The following NDUFAF4 variants were observed in gnomAD, a reference collection of about 807,000 sequenced individuals.
NDUFAF4 encodes the protein NADH dehydrogenase [ubiquinone] 1 alpha subcomplex assembly factor 4.
A neutral mutation model predicts 15.6 loss-of-function variants in NDUFAF4; 10 were observed. That is an observed-to-expected ratio of 0.64 (90% CI 0.40 to 1.09). NDUFAF4 has a LOEUF of 1.09. Among genes scored for constraint, NDUFAF4 ranks in the 50% least tolerant of loss-of-function variants. The probability of loss-of-function intolerance (pLI) is 0.01; values close to 1 mark genes in which losing one functional copy is unlikely to be tolerated. For synonymous variants in NDUFAF4, 77 were observed against 73.3 expected (o/e 1.05, Z -0.26); for missense variants, 203 against 207.3 (o/e 0.98, Z 0.13).
intron 1 of NDUFAF4, among the ~76,000 whole-genome samples, chr6:96,897,295 T>C (rs1214738413): frequency 1.3e-5 from 2 of 152,124 alleles, no homozygotes; most frequent in Non-Finnish European, 2.9e-5. Context: ...TAGATGGAAA[T>C]CAAAATTCCA....
intron 2 of NDUFAF4, among the ~76,000 whole-genome samples, chr6:96,892,071 A>C (rs1775323396): frequency 6.6e-6 from 1 of 152,182 alleles, no homozygotes. Flanking sequence ...AACAATGAAA[A>C]TAATTTATTA....
rs1441360651 is a variant in NDUFAF4, at chr6:96,897,666, G to T, written c.136C>A (p.Leu46Ile). The change falls in exon 1 of 3, where the codon CTC becomes ATC. Residue 46 changes from leucine (L) to isoleucine (I), a missense_variant and splice_region_variant. Leu to Ile is a conservative substitution (Grantham distance 5, BLOSUM62 2). Transcript: ENST00000316149. ...TNSLLREQIS[L>I]YPEVKGEIAR... ...CCCGAAACGCCCTCGCACCACTCAC[G>T]ACTAATCTGCTCTCGCAGGAGGCTG... 1 of 1,613,876 alleles carries T rather than the reference G, an allele frequency of 6.2e-7. No homozygotes were observed. The highest frequency in any genetic ancestry group is 8.5e-7 in the Non-Finnish European group (1 of 1,179,890).
At position 96,897,848 on chromosome 6, in the gene NDUFAF4, C is replaced by G. The variant is rs1166815303; in HGVS notation, c.-47G>C. 1 of 1,612,900 alleles carries G rather than the reference C, an allele frequency of 6.2e-7. No homozygotes were observed. Among genetic ancestry groups the G allele is most frequent in the Non-Finnish European group, 8.5e-7 (1 of 1,179,402 alleles). ...CAGGTTCAGGCCGCACGTGGGAACACCGGCGCAGGACAACTCCGGGACACC... is the reference window on the plus strand; with the variant it reads ...CAGGTTCAGGCCGCACGTGGGAACAGCGGCGCAGGACAACTCCGGGACACC... On this transcript the variant is annotated 5_prime_UTR_variant, in exon 1 of 3. Coordinates refer to ENST00000316149, the MANE Select transcript of NDUFAF4 (RefSeq NM_014165.4).
At position 96,889,992 on chromosome 6, in the gene NDUFAF4, T is replaced by A. The variant is rs1194599271; in HGVS notation, c.*1112A>T. 3 of 152,224 alleles carry A rather than the reference T, an allele frequency of 2.0e-5. No homozygotes were observed. Among genetic ancestry groups the A allele is most frequent in the East Asian group, 3.9e-4 (2 of 5,178 alleles). 9.4% of individuals were successfully genotyped at this position (152,224 alleles called of 1,614,324 possible). ...TTATTATTTATCTTCATGATAACCC[T>A]TACATTTAGGGTAGCATTATGCTTA... is the stretch of plus-strand genomic sequence containing the variant. On this transcript the variant is annotated 3_prime_UTR_variant, in exon 3 of 3. Coordinates refer to ENST00000316149, the MANE Select transcript of NDUFAF4 (RefSeq NM_014165.4).
chr6:96,897,296 C>A (rs1316561144), intron 1 of NDUFAF4, among the ~76,000 whole-genome samples: 2 of 152,154 alleles, frequency 1.3e-5, no homozygotes, highest in African/African-American at 4.8e-5. Flanking sequence ...AGATGGAAAT[C>A]AAAATTCCAG....
intron 2 of NDUFAF4, among the ~76,000 whole-genome samples, chr6:96,894,734 T>C (rs925030166): frequency 1.2e-4 from 19 of 152,178 alleles, no homozygotes; most frequent in African/African-American, 4.3e-4. Context: ...CCCATCACAG[T>C]AACAACGTTC....
At chr6:96,895,932 C>T (rs1474073415) in intron 2 of NDUFAF4, among the ~76,000 whole-genome samples, 1 of 152,102 alleles carries the variant, frequency 6.6e-6, no homozygotes, top group African/African-American at 2.4e-5. Context: ...AAACTTTACC[C>T]CTAACTAGAA....
chr6:96,896,452 G>C (rs1417826478), intron 2 of NDUFAF4, among the ~76,000 whole-genome samples: 4 of 152,174 alleles, frequency 2.6e-5, no homozygotes, highest in African/African-American at 9.7e-5. Context: ...ACAACCACTG[G>C]AAGTAATGCC....
At chr6:96,897,279 ATACTT>A (rs1459155672) in intron 1 of NDUFAF4, among the ~76,000 whole-genome samples, 3 of 152,126 alleles carry the variant, frequency 2.0e-5, no homozygotes, top group Admixed American at 6.5e-5. Context: ...TGTTAGGAAA[ATACTT>A]TAGATGGAAA....
In NDUFAF4 at chr6:96,897,695, G is replaced by A. The variant is rs1211117112; in HGVS notation, c.107C>T (p.Thr36Ile). 6.2e-7 allele frequency: 1 copy of A among 1,614,184 alleles called. No individual in the cohort carries two copies. The highest frequency in any genetic ancestry group is 8.5e-7 in the Non-Finnish European group (1 of 1,180,012). ...KPSVAPRHPS[T>I]NSLLREQISL... ...AATCTGCTCTCGCAGGAGGCTGTTG[G>A]TAGAGGGGTGTCTGGGAGCGACAGA... The change falls in exon 1 of 3, where the codon ACC (threonine) becomes ATC (isoleucine). Residue 36 changes from threonine to isoleucine, a missense_variant. Physicochemically the swap from Thr to Ile is moderately conservative, Grantham distance 89. Coordinates refer to ENST00000316149, the MANE Select transcript of NDUFAF4 (RefSeq NM_014165.4).
intron 2 of NDUFAF4, among the ~76,000 whole-genome samples, chr6:96,896,543 G>C (rs1378739365): frequency 1.3e-5 from 2 of 152,154 alleles, no homozygotes; most frequent in African/African-American, 4.8e-5. Context: ...AGTTATTTTA[G>C]AATTCTGGTA....
Position 96,894,517 on chromosome 6 carries a change from G to A in NDUFAF4, c.240+2227C>T, listed in dbSNP as rs143779475. Among the ~76,000 whole-genome samples, 507 of 152,192 alleles carry A rather than the reference G, an allele frequency of 3.3e-3. 2 individuals carry two copies. The highest frequency in any genetic ancestry group is 0.011 in the African/African-American group (438 of 41,524). On this transcript the variant is annotated intron_variant, in intron 2 of 2. Coordinates refer to ENST00000316149, the MANE Select transcript of NDUFAF4 (RefSeq NM_014165.4). ...ACATGGATAATAAGAATGAATCTTC[G>A]AACCCTGAAATTGTTGTAACTGTTC... is the stretch of plus-strand genomic sequence containing the variant.
rs1470000359 is a variant in NDUFAF4 at position 96,897,702 on chromosome 6, G to C, written c.100C>G (p.Pro34Ala). Reference sequence around the variant, plus strand: ...TCTCGCAGGAGGCTGTTGGTAGAGGGGTGTCTGGGAGCGACAGAGGGCTTC... The same window carrying C: ...TCTCGCAGGAGGCTGTTGGTAGAGGCGTGTCTGGGAGCGACAGAGGGCTTC... ...KMKPSVAPRH[P>A]STNSLLREQI... The change falls in exon 1 of 3, where the codon CCC (proline) becomes GCC (alanine). Residue 34 changes from proline (P) to alanine (A), a missense_variant. Coordinates refer to ENST00000316149, the MANE Select transcript of NDUFAF4 (RefSeq NM_014165.4). The C allele has an allele frequency of 6.2e-7, 1 of 1,614,176 alleles. No individual in the cohort carries two copies. The highest frequency in any genetic ancestry group is 1.7e-5 in the Admixed American group (1 of 60,034).
rs777076020 is a variant in NDUFAF4, at chr6:96,890,589, C to A, written c.*515G>T. Reference sequence around the variant, plus strand: ...CTGGAGTAGTAATTTTAATTAGATTCTATTGATTCATTTTCTCCTGTGTGC... The same window carrying A: ...CTGGAGTAGTAATTTTAATTAGATTATATTGATTCATTTTCTCCTGTGTGC... On this transcript the variant is annotated 3_prime_UTR_variant, in exon 3 of 3. Transcript: ENST00000316149. 17 of 153,318 alleles carry A rather than the reference C, an allele frequency of 1.1e-4. No homozygotes were observed. The highest frequency in any genetic ancestry group is 2.3e-4 in the Non-Finnish European group (16 of 68,850). The allele number at this position is 153,318 out of a possible 1,614,324, so 9.5% of individuals were successfully genotyped here. A position where few individuals can be genotyped will look rare whatever the true frequency, so the allele number is the denominator to read the frequency against.
Position 96,889,453 on chromosome 6 carries a change from A to T in NDUFAF4, c.*1651T>A, listed in dbSNP as rs1005179740. On this transcript the variant is annotated 3_prime_UTR_variant, in exon 3 of 3. Coordinates refer to ENST00000316149, the MANE Select transcript of NDUFAF4 (RefSeq NM_014165.4). ...GACTCAGCTAGTGACCATTATGATAAAAAGAATAAAGTTTTGACTTATTTA... is the reference window on the plus strand; with the variant it reads ...GACTCAGCTAGTGACCATTATGATATAAAGAATAAAGTTTTGACTTATTTA... 6.6e-6 allele frequency: 1 copy of T among 152,204 alleles called. No individual in the cohort carries two copies. The highest frequency in any genetic ancestry group is 1.5e-5 in the Non-Finnish European group (1 of 68,026). 9.4% of individuals were successfully genotyped at this position (152,204 alleles called of 1,614,324 possible).
intron 2 of NDUFAF4, among the ~76,000 whole-genome samples, chr6:96,894,662 T>A (rs6904407): frequency 0.22 from 34,168 of 152,060 alleles, 3,976 homozygotes; most frequent in Admixed American, 0.32. Context: ...GGAACCTATC[T>A]GCTGATTAGG....
intron 2 of NDUFAF4, among the ~76,000 whole-genome samples, chr6:96,892,837 A>G (rs933602664): frequency 6.6e-6 from 1 of 151,996 alleles, no homozygotes; most frequent in Non-Finnish European, 1.5e-5. Context: ...ACATTCTTCC[A>G]AAGTAATCCC....
rs6684 is a variant in NDUFAF4 at position 96,891,202 on chromosome 6, A to G, written c.430T>C (p.Leu144=). ...TAEKIMQEYQ[L]EQKDVNSLLK... ...AGAGAATTCACATCTTTCTGTTCTA[A>G]CTGGTATTCCTGCATTATTTTCTCA... Residue 144 remains leucine, a synonymous_variant, in exon 3 of 3, where the codon TTA becomes CTA. Coordinates refer to ENST00000316149, the MANE Select transcript of NDUFAF4 (RefSeq NM_014165.4). 834,958 of 1,611,970 alleles carry G rather than the reference A, an allele frequency of 0.52. 218,329 individuals are homozygous for G. The highest frequency in any genetic ancestry group is 0.68 in the East Asian group (30,517 of 44,800).
intron 1 of NDUFAF4, 122 bp downstream of exon 1, chr6:96,897,544 C>T: frequency 6.9e-7 from 1 of 1,440,446 alleles, no homozygotes; most frequent in Non-Finnish European, 9.5e-7. Context: ...CTCCGCCAAC[C>T]CGAGCGGCTG....
Sources: gnomAD v4.1 joint callset for allele counts (sites outside exome capture counted in the v4.1 genomes callset) on GRCh38, gnomAD v4.1.1 for gene constraint, MANE v1.5 for transcripts, NCBI Gene and HGNC (gene_info 2026-07-23, HGNC 2026-07-21) for gene names.